Variants in DRC4 observed in about 807,000 individuals in gnomAD.
The protein encoded by DRC4 is GAS-11.
chr16:90,043,476 GC>G, the DRC4 span: 1 of 944,368 alleles, frequency 1.1e-6, no homozygotes, highest in Non-Finnish European at 1.5e-6. Flanking sequence ...ACATGTTCTT[GC>G]CATCCTCTTT....
At chr16:90,027,166 A>G in the DRC4 span, among the ~76,000 whole-genome samples, 1 of 149,082 alleles carries the variant, frequency 6.7e-6, no homozygotes, top group African/African-American at 2.5e-5. Flanking sequence ...GCTCACTGCA[A>G]ACTCCATGCC....
At chr16:90,037,020 C>A in the DRC4 span, 1 of 595,796 alleles carries the variant, frequency 1.7e-6, no homozygotes, top group Non-Finnish European at 3.0e-6. Context: ...TATAGTCCTT[C>A]AGTCTGCATG....
chr16:90,026,844 G>T, the DRC4 span, among the ~76,000 whole-genome samples: 3 of 149,974 alleles, frequency 2.0e-5, no homozygotes, highest in South Asian at 6.3e-4. Context: ...CACTGCGCCT[G>T]GTCACCGTAT....
At chr16:90,039,949 A>G in the DRC4 span, 1 of 332,344 alleles carries the variant, frequency 3.0e-6, no homozygotes, top group East Asian at 6.7e-5. Flanking sequence ...CTCAAATCTC[A>G]CCTGAGCCCA....
chr16:90,044,408 C>G, the DRC4 span: 1 of 445,228 alleles, frequency 2.2e-6, no homozygotes. Context: ...ACCAGTCTGC[C>G]CACTGCCTAA....
At chr16:90,031,276 C>A in the DRC4 span, 1 of 1,610,692 alleles carries the variant, frequency 6.2e-7, no homozygotes, top group South Asian at 1.1e-5. Flanking sequence ...CAGTGCCTCA[C>A]CTGACCCACT....
At chr16:90,037,630 A>G in the DRC4 span, 1 of 1,022,174 alleles carries the variant, frequency 9.8e-7, no homozygotes, top group Non-Finnish European at 1.5e-6. Context: ...GGTGAGACTC[A>G]GCTGCTTGTG....
At chr16:90,029,109 C>A in the DRC4 span, 1 of 1,282,718 alleles carries the variant, frequency 7.8e-7, no homozygotes, top group Non-Finnish European at 1.0e-6. Flanking sequence ...CCTGTGGAGA[C>A]AGGCCTTGTG....
chr16:90,028,676 T>C, the DRC4 span, among the ~76,000 whole-genome samples: 1 of 152,320 alleles, frequency 6.6e-6, no homozygotes, highest in Non-Finnish European at 1.5e-5. Flanking sequence ...CAATTTTACC[T>C]AAAAGGCTCC....
chr16:90,022,799 A>C, the DRC4 span: 1 of 1,253,584 alleles, frequency 8.0e-7, no homozygotes, highest in Non-Finnish European at 1.0e-6. Context: ...GCCTCGGTAC[A>C]CGGAGACCCT....
chr16:90,033,847 C>T, the DRC4 span, among the ~76,000 whole-genome samples: 130 of 151,376 alleles, frequency 8.6e-4, no homozygotes, highest in Non-Finnish European at 1.0e-3. Context: ...ATAGAAGGAT[C>T]GAAGTGGGGA....
At chr16:90,036,950 G>C in the DRC4 span, 2 of 556,790 alleles carry the variant, frequency 3.6e-6, no homozygotes, top group Non-Finnish European at 6.4e-6. Flanking sequence ...GTCACTGCAT[G>C]CTGGCAGTGA....
the DRC4 span, among the ~76,000 whole-genome samples, chr16:90,021,418 C>A: frequency 6.8e-6 from 1 of 148,120 alleles, no homozygotes; most frequent in Non-Finnish European, 1.5e-5. Flanking sequence ...AAGACCTTTT[C>A]TTTTTTTTTT....
chr16:90,032,417 G>A, the DRC4 span, among the ~76,000 whole-genome samples: 2 of 151,244 alleles, frequency 1.3e-5, no homozygotes, highest in African/African-American at 4.9e-5. Context: ...TGGTACAGGT[G>A]TGGTATGGGT....
the DRC4 span, among the ~76,000 whole-genome samples, chr16:90,027,347 C>G: frequency 1.3e-5 from 2 of 152,162 alleles, no homozygotes; most frequent in African/African-American, 2.4e-5. Context: ...CTCGGCCTCC[C>G]AAAGTGCTGG....
At chr16:90,040,818 G>A in the DRC4 span, among the ~76,000 whole-genome samples, 1 of 151,686 alleles carries the variant, frequency 6.6e-6, no homozygotes, top group Non-Finnish European at 1.5e-5. Context: ...GTCCACAGGT[G>A]GGGCTGGGAG....
the DRC4 span, chr16:90,029,208 G>GGCTGCGGGGCAGCCTACGGGGCAT: frequency 7.4e-7 from 1 of 1,360,474 alleles, no homozygotes; most frequent in Admixed American, 1.9e-5. Flanking sequence ...CTACGGGGCA[G>GGCTGCGGGGCAGCCTACGGGGCAT]GCTACGGGGC....
chr16:90,031,951 G>A, the DRC4 span, among the ~76,000 whole-genome samples: 1 of 151,918 alleles, frequency 6.6e-6, no homozygotes, highest in Non-Finnish European at 1.5e-5. Flanking sequence ...GTGAGGTGTG[G>A]GGAGGTGAGC....
At chr16:90,032,669 T>G in the DRC4 span, 2 of 1,571,810 alleles carry the variant, frequency 1.3e-6, no homozygotes, top group Middle Eastern at 1.7e-4. Context: ...TACGGAAAGG[T>G]GAGGAGGTGT....
Sources: gnomAD v4.1 joint callset for allele counts (sites outside exome capture counted in the v4.1 genomes callset) on GRCh38, gnomAD v4.1.1 for gene constraint, MANE v1.5 for transcripts, NCBI Gene and HGNC (gene_info 2026-07-23, HGNC 2026-07-21) for gene names.